Variants in STK35 observed in about 807,000 individuals in gnomAD.
STK35 encodes the protein serine/threonine kinase 35, also known as serine/threonine-protein kinase 35.
A neutral mutation model predicts 37.3 loss-of-function variants in STK35; 17 were observed. The ratio of observed to expected loss-of-function variants is 0.46; its 90% CI spans 0.31 to 0.68. The LOEUF is 0.68. STK35 is among the 30% of genes least tolerant of loss of function. The pLI is 0.05. For synonymous variants in STK35, 385 were observed against 319.1 expected (o/e 1.21, Z -2.20); for missense variants, 595 against 746.7 (o/e 0.80, Z 2.37).
chr20:2,106,845 G>T (rs1174852115), intron 2 of STK35, among the ~76,000 whole-genome samples: 1 of 152,198 alleles, frequency 6.6e-6, no homozygotes, highest in East Asian at 1.9e-4. Context: ...AGCTTCGGAG[G>T]AATAGAAAGA....
In STK35 at chr20:2,101,828, T is replaced by C; in HGVS notation, c.-54T>C. The C allele has an allele frequency of 7.9e-7, 1 of 1,259,218 alleles. No homozygotes were observed. Among genetic ancestry groups the C allele is most frequent in the Non-Finnish European group, 1.0e-6 (1 of 999,006 alleles). 78.0% of individuals were successfully genotyped at this position (1,259,218 alleles called of 1,614,324 possible). A position where few individuals can be genotyped will look rare whatever the true frequency, so the allele number is the denominator to read the frequency against. On this transcript the variant is annotated 5_prime_UTR_variant, in exon 1 of 4. Coordinates refer to ENST00000381482, the MANE Select transcript of STK35 (RefSeq NM_080836.4). ...GGTGCGCTCGGCTGCGGCTGCTCCG[T>C]CGACCTTTGCAGGACCGGGCGGTGC...
At chr20:2,130,329 G>T (rs1387219338) in intron 3 of STK35, among the ~76,000 whole-genome samples, 2 of 152,194 alleles carry the variant, frequency 1.3e-5, no homozygotes, top group African/African-American at 4.8e-5. Flanking sequence ...TGGACTCGGG[G>T]CTGCGTTCAT....
At chr20:2,121,467 T>C (rs999186119) in intron 3 of STK35, among the ~76,000 whole-genome samples, 1 of 152,110 alleles carries the variant, frequency 6.6e-6, no homozygotes, top group Non-Finnish European at 1.5e-5. Context: ...TTAAATAAGA[T>C]GGGGAAGACA....
chr20:2,102,784 C>T lies in STK35; in HGVS notation c.311C>T (p.Pro104Leu). ...CGCCCGCAGGTCACAATCCAAGGTC[C>T]GGCTCCTCCGCGTCCCAGGGCCGGA... ...RCAGQVTIQG[P>L]APPRPRAGRR... The change falls in exon 2 of 4, where the codon CCG becomes CTG. Residue 104 changes from proline to leucine, a missense_variant. Coordinates refer to ENST00000381482, the MANE Select transcript of STK35 (RefSeq NM_080836.4). 4.1e-6 allele frequency: 6 copies of T among 1,464,652 alleles called. No homozygotes were observed. Among genetic ancestry groups the T allele is most frequent in the African/African-American group, 1.5e-5 (1 of 68,804 alleles). The allele number at this position is 1,464,652 out of a possible 1,614,324, so 90.7% of individuals were successfully genotyped here.
intron 3 of STK35, among the ~76,000 whole-genome samples, chr20:2,140,263 T>C (rs1480293813): frequency 6.6e-6 from 1 of 151,716 alleles, no homozygotes; most frequent in Non-Finnish European, 1.5e-5. Context: ...CAGAGAGGAA[T>C]GAGAAGAGCC....
intron 3 of STK35, among the ~76,000 whole-genome samples, chr20:2,118,242 C>T (rs1029800841): frequency 6.6e-6 from 1 of 152,094 alleles, no homozygotes; most frequent in African/African-American, 2.4e-5. Context: ...ATAATTTAAC[C>T]ATTCTCCTAC....
chr20:2,108,448 T>A (rs1985557322), intron 2 of STK35, among the ~76,000 whole-genome samples: 1 of 152,124 alleles, frequency 6.6e-6, no homozygotes, highest in Non-Finnish European at 1.5e-5. Flanking sequence ...AGGCAGAGGC[T>A]GCAGTGAGCT....
intron 2 of STK35, among the ~76,000 whole-genome samples, chr20:2,112,866 A>G (rs905534152): frequency 1.3e-5 from 2 of 152,180 alleles, no homozygotes; most frequent in Admixed American, 6.5e-5. Context: ...GGAATTATAA[A>G]ACTTAAGTAA....
At chr20:2,130,861 TTGGCCATCCCGTCACACCG>T (rs149471559) in intron 3 of STK35, among the ~76,000 whole-genome samples, 3,380 of 152,164 alleles carry the variant, frequency 0.022, 122 homozygotes, top group African/African-American at 0.074. Context: ...AGTCACTCCT[TTGGCCATCCCGTCACACCG>T]TGGTTTGAAT....
chr20:2,129,931 G>C (rs531345504), intron 3 of STK35, among the ~76,000 whole-genome samples: 2 of 152,260 alleles, frequency 1.3e-5, no homozygotes, highest in African/African-American at 4.8e-5. Flanking sequence ...AGGGAGCCCA[G>C]GTAGGAGGCT....
chr20:2,103,395 G>A (rs13039180), intron 2 of STK35, 30 bp downstream of exon 2: 2 of 1,590,626 alleles, frequency 1.3e-6, no homozygotes, highest in Admixed American at 1.7e-5. Flanking sequence ...TTCCACCCAC[G>A]CAGGGCCTGG....
intron 3 of STK35, among the ~76,000 whole-genome samples, chr20:2,135,584 A>G (rs1396029120): frequency 2.6e-5 from 4 of 152,162 alleles, no homozygotes; most frequent in African/African-American, 9.7e-5. Context: ...GATCTTGGGC[A>G]GGGCGTTGTG....
At chr20:2,134,902 GA>G (rs1026299101) in intron 3 of STK35, among the ~76,000 whole-genome samples, 1 of 150,346 alleles carries the variant, frequency 6.7e-6, no homozygotes. Context: ...AAAAAGAAAA[GA>G]AAAAAAAATG....
chr20:2,124,714 G>A (rs1010138865), intron 3 of STK35, among the ~76,000 whole-genome samples: 3 of 152,108 alleles, frequency 2.0e-5, no homozygotes, highest in African/African-American at 7.2e-5. Flanking sequence ...CTCTTTTCTC[G>A]CAGGAAATTG....
intron 3 of STK35, among the ~76,000 whole-genome samples, chr20:2,120,714 C>T (rs183357553): frequency 6.6e-6 from 1 of 152,186 alleles, no homozygotes; most frequent in Non-Finnish European, 1.5e-5. Flanking sequence ...TTCCAAGTAC[C>T]ATTTTAGACA....
chr20:2,122,310 C>T lies in STK35; in HGVS notation c.*37+4895C>T, dbSNP rs186186506. Among the ~76,000 whole-genome samples the T allele has an allele frequency of 3.1e-3, 468 of 152,128 alleles. 4 individuals are homozygous for T. Among genetic ancestry groups the T allele is most frequent in the African/African-American group, 0.011 (444 of 41,512 alleles). On this transcript the variant is annotated intron_variant, in intron 3 of 3. Coordinates refer to ENST00000381482, the MANE Select transcript of STK35 (RefSeq NM_080836.4). ...TCACACCACTGCACTCCAGCCTGGG[C>T]GCCAGAGAGGGACTCTGTCTCAAAA...
In STK35 at chr20:2,121,696, C is replaced by G. The variant is rs527834462; in HGVS notation, c.*37+4281C>G. ...GAGGACTGAGCTCCAGGTGGTGCAACATTGAGGATGGGAAGAAAGAAAGGA... is the reference window on the plus strand; with the variant it reads ...GAGGACTGAGCTCCAGGTGGTGCAAGATTGAGGATGGGAAGAAAGAAAGGA... On this transcript the variant is annotated intron_variant, in intron 3 of 3. Coordinates refer to ENST00000381482, the MANE Select transcript of STK35 (RefSeq NM_080836.4). Among the ~76,000 whole-genome samples the G allele has an allele frequency of 2.0e-5, 3 of 152,024 alleles. No homozygotes were observed. In the East Asian group the frequency reaches 5.8e-4, roughly 29 times the overall value.
At chr20:2,136,118 G>C (rs4814980) in intron 3 of STK35, among the ~76,000 whole-genome samples, 10,414 of 152,186 alleles carry the variant, frequency 0.068, 517 homozygotes, top group Non-Finnish European at 0.11. Context: ...ACATTCTGAG[G>C]CCGGGCCTGC....
At chr20:2,107,170 A>C (rs1985531547) in intron 2 of STK35, among the ~76,000 whole-genome samples, 3 of 152,246 alleles carry the variant, frequency 2.0e-5, no homozygotes, top group African/African-American at 7.2e-5. Context: ...ACTGCCACTT[A>C]GACAGCAGGC....
Sources: gnomAD v4.1 joint callset for allele counts (sites outside exome capture counted in the v4.1 genomes callset) on GRCh38, gnomAD v4.1.1 for gene constraint, MANE v1.5 for transcripts, NCBI Gene and HGNC (gene_info 2026-07-23, HGNC 2026-07-21) for gene names.